The following SLC10A7 variants were observed in gnomAD, a reference collection of about 807,000 sequenced individuals.
The protein encoded by SLC10A7 is sodium/bile acid cotransporter 7.
A neutral mutation model predicts 43.2 loss-of-function variants in SLC10A7; 29 were observed. The observed-to-expected ratio is 0.67, with a 90% CI of 0.50 to 0.92. SLC10A7 has a LOEUF of 0.92. Among genes scored for constraint, SLC10A7 ranks in the 40% least tolerant of loss-of-function variants. The pLI is 0.00. For missense variants in SLC10A7, 295 were observed against 403.2 expected, an observed-to-expected ratio of 0.73 and a Z score of 2.30; for synonymous variants, 152 against 144.8, an observed-to-expected ratio of 1.05 and a Z score of -0.35.
At chr4:146,512,244 G>A (rs1412037257) in intron 2 of SLC10A7, among the ~76,000 whole-genome samples, 1 of 152,116 alleles carries the variant, frequency 6.6e-6, no homozygotes, top group East Asian at 1.9e-4. Context: ...CAAGTGCTGG[G>A]ATTACAGGCA....
At chr4:146,276,234 G>A (rs1729197483) in intron 10 of SLC10A7, among the ~76,000 whole-genome samples, 1 of 152,094 alleles carries the variant, frequency 6.6e-6, no homozygotes, top group South Asian at 2.1e-4. Flanking sequence ...AAGGTCTCTG[G>A]TTGATAGAGA....
intron 5 of SLC10A7, chr4:146,441,547 C>T (rs1730602132): frequency 1.8e-6 from 1 of 554,780 alleles, no homozygotes; most frequent in African/African-American, 2.1e-5. Context: ...CCAGAAAGTT[C>T]ATGTTTTACA....
chr4:146,474,535 T>G (rs1408586221), intron 4 of SLC10A7, among the ~76,000 whole-genome samples: 1 of 152,116 alleles, frequency 6.6e-6, no homozygotes, highest in Non-Finnish European at 1.5e-5. Flanking sequence ...AAGAAAAGCA[T>G]GTATATGAAA....
At chr4:146,457,484 T>G (rs542842009) in intron 4 of SLC10A7, among the ~76,000 whole-genome samples, 1 of 151,910 alleles carries the variant, frequency 6.6e-6, no homozygotes, top group South Asian at 2.1e-4. Flanking sequence ...TATTCATTCT[T>G]TGTTTTTGGA....
chr4:146,513,652 C>T (rs573957294), intron 2 of SLC10A7, among the ~76,000 whole-genome samples: 1 of 152,302 alleles, frequency 6.6e-6, no homozygotes, highest in East Asian at 1.9e-4. Flanking sequence ...ACCATGTTGG[C>T]TCATAAGGGG....
chr4:146,322,762 G>C (rs1305402218), intron 6 of SLC10A7, among the ~76,000 whole-genome samples: 4 of 152,114 alleles, frequency 2.6e-5, no homozygotes, highest in African/African-American at 9.7e-5. Context: ...GGGTCAAATG[G>C]TATTTCTAGT....
At chr4:146,429,760 A>G (rs1729633217) in intron 5 of SLC10A7, among the ~76,000 whole-genome samples, 2 of 152,142 alleles carry the variant, frequency 1.3e-5, no homozygotes, top group South Asian at 4.1e-4. Flanking sequence ...TGCTTTTGAG[A>G]TAGGTTTTGA....
At chr4:146,400,338 T>A (rs1739143223) in intron 5 of SLC10A7, among the ~76,000 whole-genome samples, 1 of 152,100 alleles carries the variant, frequency 6.6e-6, no homozygotes, top group African/African-American at 2.4e-5. Context: ...TTGGCACTGT[T>A]AAAAGTAGAA....
chr4:146,470,898 C>T (rs1402484800), intron 4 of SLC10A7, among the ~76,000 whole-genome samples: 1 of 152,156 alleles, frequency 6.6e-6, no homozygotes, highest in Non-Finnish European at 1.5e-5. Flanking sequence ...GTGTGCCAGG[C>T]ACTGTGCATG....
intron 6 of SLC10A7, among the ~76,000 whole-genome samples, chr4:146,322,750 C>T (rs1732813752): frequency 6.6e-6 from 1 of 152,130 alleles, no homozygotes; most frequent in Admixed American, 6.5e-5. Flanking sequence ...AATGGGATGG[C>T]TGGGTCAAAT....
intron 5 of SLC10A7, among the ~76,000 whole-genome samples, chr4:146,394,047 T>C (rs1181109397): frequency 6.6e-6 from 1 of 152,170 alleles, no homozygotes; most frequent in Non-Finnish European, 1.5e-5. Flanking sequence ...AGCTAAAATA[T>C]GGGAATCTAA....
intron 5 of SLC10A7, among the ~76,000 whole-genome samples, chr4:146,329,221 A>G (rs960717026): frequency 1.1e-4 from 17 of 152,216 alleles, no homozygotes; most frequent in Non-Finnish European, 2.1e-4. Flanking sequence ...TCTCAAGAAT[A>G]GCTGTTCAGG....
chr4:146,270,204 C>T (rs1236510153), intron 10 of SLC10A7, among the ~76,000 whole-genome samples: 1 of 152,158 alleles, frequency 6.6e-6, no homozygotes, highest in Non-Finnish European at 1.5e-5. Flanking sequence ...CAATTATAAA[C>T]ATTTGGCAGT....
At chr4:146,340,434 C>T (rs561321054) in intron 5 of SLC10A7, among the ~76,000 whole-genome samples, 44 of 150,806 alleles carry the variant, frequency 2.9e-4, no homozygotes, top group Middle Eastern at 6.9e-3. Flanking sequence ...AAACAAAGAC[C>T]CAGGCTCTAG....
intron 4 of SLC10A7, among the ~76,000 whole-genome samples, chr4:146,471,072 A>G (rs1025841149): frequency 6.6e-6 from 1 of 152,208 alleles, no homozygotes; most frequent in African/African-American, 2.4e-5. Flanking sequence ...TTAGGACCAG[A>G]ACTGTTTCAG....
chr4:146,370,644 T>C, intron 5 of SLC10A7, among the ~76,000 whole-genome samples: 1 of 152,158 alleles, frequency 6.6e-6, no homozygotes, highest in East Asian at 1.9e-4. Context: ...ATACCGGCAT[T>C]CAGCCTTTTT....
intron 10 of SLC10A7, among the ~76,000 whole-genome samples, chr4:146,280,903 GAAAGTATCA>G (rs1306621311): frequency 6.6e-6 from 1 of 152,092 alleles, no homozygotes; most frequent in African/African-American, 2.4e-5. Flanking sequence ...TGAGGCCCAG[GAAAGTATCA>G]GTGGAAGAGC....
At chr4:146,477,439 T>C (rs1175369748) in intron 4 of SLC10A7, among the ~76,000 whole-genome samples, 1 of 152,186 alleles carries the variant, frequency 6.6e-6, no homozygotes, top group Non-Finnish European at 1.5e-5. Context: ...AACTCAAAAG[T>C]TATAATTAGA....
intron 5 of SLC10A7, among the ~76,000 whole-genome samples, chr4:146,390,936 C>T (rs773980462): frequency 6.6e-6 from 1 of 152,006 alleles, no homozygotes; most frequent in Non-Finnish European, 1.5e-5. Flanking sequence ...GAAACTAACG[C>T]TCAGAGCAAC....
Sources: gnomAD v4.1 joint callset for allele counts (sites outside exome capture counted in the v4.1 genomes callset) on GRCh38, gnomAD v4.1.1 for gene constraint, MANE v1.5 for transcripts, NCBI Gene and HGNC (gene_info 2026-07-23, HGNC 2026-07-21) for gene names.